The following RBFOX1 variants were observed in gnomAD, a reference collection of about 807,000 sequenced individuals.
The protein encoded by RBFOX1 is RNA binding protein fox-1 homolog 1.
In RBFOX1, 8 loss-of-function variants were observed where a neutral mutation model predicts 57.7. That is an observed-to-expected ratio of 0.14 (90% CI 0.08 to 0.25). The LOEUF (loss-of-function observed/expected upper bound fraction) is 0.25. Among genes scored for constraint, RBFOX1 ranks in the 10% least tolerant of loss-of-function variants. The probability of loss-of-function intolerance (pLI) is 1.00; values close to 1 mark genes in which losing one functional copy is unlikely to be tolerated. For synonymous variants in RBFOX1, 326 were observed against 222.4 expected (o/e 1.47, Z -4.15); for missense variants, 611 against 548.5 (o/e 1.11, Z -1.14).
chr16:6,602,977 T>A (rs984956105), intron 2 of RBFOX1, among the ~76,000 whole-genome samples: 5 of 152,198 alleles, frequency 3.3e-5, no homozygotes, highest in African/African-American at 1.2e-4. Context: ...ATTACCCTTT[T>A]TCTAATCATC....
chr16:5,331,948 G>A (rs1341200061), intron 1 of RBFOX1, among the ~76,000 whole-genome samples: 1 of 152,214 alleles, frequency 6.6e-6, no homozygotes, highest in African/African-American at 2.4e-5. Flanking sequence ...TTATCCCATA[G>A]TGTCAAGTCC....
At chr16:6,238,724 T>G (rs190062640) in intron 1 of RBFOX1, among the ~76,000 whole-genome samples, 1 of 152,346 alleles carries the variant, frequency 6.6e-6, no homozygotes, top group Admixed American at 6.5e-5. Context: ...TGTCTTGCTC[T>G]TGTTACATTT....
intron 4 of RBFOX1, among the ~76,000 whole-genome samples, chr16:7,454,981 C>T (rs2058205769): frequency 6.6e-6 from 1 of 152,188 alleles, no homozygotes. Flanking sequence ...TAATAAAGCC[C>T]ATTTTTTATG....
At chr16:6,730,502 C>T (rs1334313515) in intron 3 of RBFOX1, among the ~76,000 whole-genome samples, 1 of 152,166 alleles carries the variant, frequency 6.6e-6, no homozygotes, top group African/African-American at 2.4e-5. Context: ...ATCTATCTAT[C>T]CATCTATCTA....
intron 2 of RBFOX1, among the ~76,000 whole-genome samples, chr16:6,520,993 A>G (rs1158791328): frequency 1.3e-5 from 2 of 152,266 alleles, no homozygotes; most frequent in Admixed American, 6.5e-5. Flanking sequence ...ATTGGCATAA[A>G]TTTTCCGAAG....
At chr16:6,896,147 T>C (rs7186543) in intron 3 of RBFOX1, among the ~76,000 whole-genome samples, 119,262 of 151,992 alleles carry the variant, frequency 0.78, 47,590 homozygotes, top group African/African-American at 0.93. Context: ...GTGGTGGGTG[T>C]CTGTAATCCC....
intron 3 of RBFOX1, among the ~76,000 whole-genome samples, chr16:6,750,506 C>T (rs149205670): frequency 7.2e-5 from 11 of 152,176 alleles, no homozygotes; most frequent in Admixed American, 2.0e-4. Context: ...TTTCTTGATA[C>T]GCTGTTAACA....
intron 1 of RBFOX1, among the ~76,000 whole-genome samples, chr16:6,211,970 C>T (rs1051843065): frequency 6.6e-6 from 1 of 152,072 alleles, no homozygotes; most frequent in African/African-American, 2.4e-5. Context: ...ATGTCTCAGC[C>T]TCCAGAGTAG....
At chr16:7,483,040 C>G (rs758692075) in intron 4 of RBFOX1, among the ~76,000 whole-genome samples, 1 of 152,098 alleles carries the variant, frequency 6.6e-6, no homozygotes, top group Admixed American at 6.5e-5. Flanking sequence ...GCCTGGAACA[C>G]CGTGGGAGGA....
At chr16:6,787,613 A>T (rs1205846889) in intron 3 of RBFOX1, among the ~76,000 whole-genome samples, 1 of 152,016 alleles carries the variant, frequency 6.6e-6, no homozygotes, top group Non-Finnish European at 1.5e-5. Flanking sequence ...TTCTCCATCC[A>T]CTGTGACCTT....
intron 11 of RBFOX1, among the ~76,000 whole-genome samples, chr16:7,653,078 CACACATTCATACACATGT>C (rs1325856491): frequency 6.6e-6 from 1 of 152,182 alleles, no homozygotes; most frequent in Non-Finnish European, 1.5e-5. Context: ...TATATACATG[CACACATTCATACACATGT>C]ACACATGCAT....
At chr16:6,899,072 A>G (rs1218965135) in intron 3 of RBFOX1, among the ~76,000 whole-genome samples, 6 of 136,444 alleles carry the variant, frequency 4.4e-5, no homozygotes, top group Non-Finnish European at 9.3e-5. Flanking sequence ...CATGTATTAC[A>G]CACATGTACA....
At chr16:5,843,068 T>C (rs892566249) in intron 3 of RBFOX1, among the ~76,000 whole-genome samples, 22 of 152,082 alleles carry the variant, frequency 1.4e-4, no homozygotes, top group Admixed American at 1.4e-3. Context: ...ACCTCGTGAT[T>C]CACCCGCCTT....
chr16:6,172,039 T>A (rs2096964377), intron 1 of RBFOX1, among the ~76,000 whole-genome samples: 2 of 152,070 alleles, frequency 1.3e-5, no homozygotes, highest in Admixed American at 1.3e-4. Context: ...GGCAGGATAG[T>A]CTCGATCTCC....
intron 3 of RBFOX1, among the ~76,000 whole-genome samples, chr16:6,894,205 C>T (rs993682839): frequency 5.9e-5 from 9 of 152,182 alleles, no homozygotes; most frequent in African/African-American, 2.2e-4. Context: ...GTAAGCTTCA[C>T]TTCCATCACT....
intron 2 of RBFOX1, among the ~76,000 whole-genome samples, chr16:6,492,479 G>T (rs893326248): frequency 6.6e-6 from 1 of 152,168 alleles, no homozygotes; most frequent in Non-Finnish European, 1.5e-5. Context: ...TGAGGCAGGA[G>T]AATCGCTTGA....
chr16:5,539,011 G>C (rs2044820261), intron 2 of RBFOX1, among the ~76,000 whole-genome samples: 1 of 152,302 alleles, frequency 6.6e-6, no homozygotes, highest in African/African-American at 2.4e-5. Context: ...GATGGCTTTA[G>C]GAGGGTCCTT....
intron 2 of RBFOX1, among the ~76,000 whole-genome samples, chr16:6,373,479 A>G (rs1567145072): frequency 6.6e-6 from 1 of 150,396 alleles, no homozygotes; most frequent in African/African-American, 2.5e-5. Flanking sequence ...GGGTAGGAGG[A>G]TGGTTGGTGG....
intron 12 of RBFOX1, among the ~76,000 whole-genome samples, chr16:7,658,063 G>C (rs151003636): frequency 6.6e-6 from 1 of 152,170 alleles, no homozygotes. Context: ...AGAGTCGATA[G>C]AGGGTGAAGC....
Sources: gnomAD v4.1 joint callset for allele counts (sites outside exome capture counted in the v4.1 genomes callset) on GRCh38, gnomAD v4.1.1 for gene constraint, MANE v1.5 for transcripts, NCBI Gene and HGNC (gene_info 2026-07-23, HGNC 2026-07-21) for gene names.